TRIM66: variants seen among roughly 807,000 people sequenced by gnomAD.
TRIM66 encodes the protein tripartite motif-containing protein 66.
In TRIM66, 99 loss-of-function variants were observed where a neutral mutation model predicts 148.2. The observed-to-expected ratio is 0.67, with a 90% CI of 0.57 to 0.79. TRIM66 has a LOEUF of 0.79. Among genes scored for constraint, TRIM66 ranks in the 30% least tolerant of loss-of-function variants. The pLI, the probability that TRIM66 is intolerant of heterozygous loss-of-function variation, is 0.00. For synonymous variants in TRIM66, 616 were observed against 635.9 expected (o/e 0.97, Z 0.47); for missense variants, 1,666 against 1,697.9 (o/e 0.98, Z 0.33).
intron 20 of TRIM66, 58 bp from the exon 21 acceptor site, chr11:8,620,630 C>T: frequency 6.5e-7 from 1 of 1,534,432 alleles, no homozygotes; most frequent in Non-Finnish European, 8.8e-7. Context: ...GCACCCTTCC[C>T]TCTCCCTCTG....
At position 8,624,497 on chromosome 11, in the gene TRIM66, C is replaced by A. The variant is rs2034618360; in HGVS notation, c.2881G>T (p.Val961Phe). ...FTDLLGQGPI[V>F]PGLDAPKDLA... ...TCCTTGGGAGCATCCAGACCGGGGA[C>A]TATGGGACCTTGTCCCAGTAAGTCA... The change falls in exon 17 of 25, where the codon GTC (valine) becomes TTC (phenylalanine). Residue 961 changes from valine to phenylalanine, a missense_variant. This residue lies in a region of TRIM66 where 1,431 missense variants were observed against 1,412.4 expected (regional missense o/e 1.01). Transcript: ENST00000646038. 6.5e-7 allele frequency: 1 copy of A among 1,549,642 alleles called. No individual in the cohort carries two copies. The highest frequency in any genetic ancestry group is 1.7e-4 in the Middle Eastern group (1 of 5,980).
upstream of TRIM66, chr11:8,682,812 A>G (rs1057069109): frequency 9.3e-6 from 15 of 1,612,888 alleles, no homozygotes; most frequent in African/African-American, 4.0e-5. Context: ...TGGGCTGCCA[A>G]CATGGTAGGT....
chr11:8,671,814 A>T lies in TRIM66; in HGVS notation c.312T>A (p.Ile104=), dbSNP rs1201536737. Reference sequence around the variant, plus strand: ...CTGCAACAGTCTCATGAGCCTTGGCAATCTGCCCTAGCTCCTGTATCAAGC... The same window carrying T: ...CTGCAACAGTCTCATGAGCCTTGGCTATCTGCCCTAGCTCCTGTATCAAGC... ...FQGLIQELGQ[I]AKAHETVADE... Residue 104 remains isoleucine, a synonymous_variant, in exon 6 of 25, where the codon ATT becomes ATA. Coordinates refer to ENST00000646038, the MANE Select transcript of TRIM66 (RefSeq NM_001388022.1). The T allele has an allele frequency of 1.3e-6, 2 of 1,498,920 alleles. No homozygotes were observed. Among genetic ancestry groups the T allele is most frequent in the Non-Finnish European group, 1.8e-6 (2 of 1,113,010 alleles). The allele number at this position is 1,498,920 out of a possible 1,614,324, so 92.9% of individuals were successfully genotyped here. A position where few individuals can be genotyped will look rare whatever the true frequency, so the allele number is the denominator to read the frequency against.
At chr11:8,624,682 G>T (rs1331321547) in intron 16 of TRIM66, 31 bp downstream of exon 16, 8 of 1,480,698 alleles carry the variant, frequency 5.4e-6, no homozygotes, top group East Asian at 2.5e-5. Flanking sequence ...ATGAACAAAG[G>T]AAGTTTGGAT....
At chr11:8,630,324 C>T (rs1416068074) in intron 15 of TRIM66, among the ~76,000 whole-genome samples, 1 of 152,110 alleles carries the variant, frequency 6.6e-6, no homozygotes, top group East Asian at 1.9e-4. Context: ...ACCCTCTAGA[C>T]CCCAGGATTG....
chr11:8,629,465 C>A (rs2035185901), intron 15 of TRIM66, among the ~76,000 whole-genome samples: 1 of 152,156 alleles, frequency 6.6e-6, no homozygotes, highest in African/African-American at 2.4e-5. Context: ...GTGAGACCAC[C>A]CAAATAATAA....
chr11:8,681,528 T>C (rs2039425030), intron 1 of TRIM66, among the ~76,000 whole-genome samples: 1 of 151,964 alleles, frequency 6.6e-6, no homozygotes. Flanking sequence ...ACACAGAGAA[T>C]AACTGAGGGG....
At chr11:8,630,498 T>C (rs560898700) in intron 15 of TRIM66, among the ~76,000 whole-genome samples, 2 of 152,258 alleles carry the variant, frequency 1.3e-5, no homozygotes, top group African/African-American at 4.8e-5. Flanking sequence ...TATTTTGAGA[T>C]TCACTACTGA....
intron 15 of TRIM66, 54 bp downstream of exon 15, chr11:8,638,600 G>T: frequency 6.5e-7 from 1 of 1,527,388 alleles, no homozygotes; most frequent in Non-Finnish European, 8.8e-7. Context: ...AGTGCCTGGG[G>T]TCTTGGCTGG....
rs2036788718 is a variant in TRIM66 at position 8,645,738 on chromosome 11, T to C, written c.1104+3A>G. 9 of 1,551,618 alleles carry C rather than the reference T, an allele frequency of 5.8e-6. No individual in the cohort carries two copies. The highest frequency in any genetic ancestry group is 7.0e-6 in the Non-Finnish European group (8 of 1,146,878). ...GGCTGAGGAGTTGGGAGATTCCTCT[T>C]ACCAGCTCTTTGCTGAAAAGAAAAG... On this transcript the variant is annotated splice_donor_region_variant and intron_variant, in intron 12 of 24. Transcript: ENST00000646038.
intron 7 of TRIM66, 46 bp downstream of exon 7, chr11:8,651,753 CA>C (rs1456499060): frequency 1.4e-6 from 2 of 1,467,980 alleles, no homozygotes; most frequent in African/African-American, 2.8e-5. Flanking sequence ...AGGGGCCTCA[CA>C]GATTTCTGAA....
intron 18 of TRIM66, 61 bp downstream of exon 18, chr11:8,622,755 G>A: frequency 6.9e-7 from 1 of 1,455,730 alleles, no homozygotes; most frequent in Non-Finnish European, 9.4e-7. Flanking sequence ...CTTCATCCCT[G>A]TGCCAGCATC....
chr11:8,645,685 G>C (rs1352445834), intron 12 of TRIM66, 56 bp downstream of exon 12: 8 of 1,544,678 alleles, frequency 5.2e-6, no homozygotes, highest in South Asian at 4.8e-5. Flanking sequence ...CTCTGACAAA[G>C]GGGATGCTCT....
At chr11:8,672,407 A>G in intron 4 of TRIM66, 22 bp from the exon 5 acceptor site, 1 of 1,488,184 alleles carries the variant, frequency 6.7e-7, no homozygotes, top group Non-Finnish European at 8.9e-7. Context: ...TTTTGGAAAA[A>G]GGAAGAAAAT....
Position 8,624,813 on chromosome 11 carries a change from A to G in TRIM66, c.2726T>C (p.Met909Thr), listed in dbSNP as rs2034653130. 1.9e-6 allele frequency: 3 copies of G among 1,551,592 alleles called. No homozygotes were observed. The highest frequency in any genetic ancestry group is 2.0e-5 in the Admixed American group (1 of 50,984). The part of the protein sequence containing the change: ...PLQSIPPVSD[M>T]QPETGSSSSS... ...GGAGCTGGACCCAGTTTCTGGCTGC[A>G]TGTCAGAAACTGGAGGGATGCTCTG... Residue 909 changes from methionine (M) to threonine (T), a missense_variant, in exon 16 of 25, where the codon ATG becomes ACG. Met to Thr is a moderately conservative substitution (Grantham distance 81). Around this residue, in one of 3 missense-constraint regions of TRIM66, gnomAD observed 1,431 missense variants for 1,412.4 expected, o/e 1.01. Transcript: ENST00000646038.
At chr11:8,670,791 C>T (rs2038889305) in intron 6 of TRIM66, among the ~76,000 whole-genome samples, 2 of 152,098 alleles carry the variant, frequency 1.3e-5, no homozygotes, top group African/African-American at 2.4e-5. Flanking sequence ...CAAAATAGAT[C>T]GTATCTTTCC....
rs2038941657 is a variant in TRIM66 at position 8,671,684 on chromosome 11, A to G, written c.340+102T>C. Reference sequence around the variant, plus strand: ...TTTCAGCAATGAGTGTCCCTTGGGCATTTAAATTCTGATTCTTTCTACACC... The same window carrying G: ...TTTCAGCAATGAGTGTCCCTTGGGCGTTTAAATTCTGATTCTTTCTACACC... On this transcript the variant is annotated intron_variant, in intron 6 of 24. Coordinates refer to ENST00000646038, the MANE Select transcript of TRIM66 (RefSeq NM_001388022.1). 7.8e-6 allele frequency: 5 copies of G among 644,414 alleles called. 1 individual carries two copies. Among genetic ancestry groups the G allele is most frequent in the African/African-American group, 1.8e-5 (1 of 55,380 alleles). The allele number at this position is 644,414 out of a possible 1,614,324, so 39.9% of individuals were successfully genotyped here.
intron 12 of TRIM66, among the ~76,000 whole-genome samples, 196 bp from the exon 13 acceptor site, chr11:8,643,322 C>T (rs10769937): frequency 0.87 from 131,121 of 150,896 alleles, 57,145 homozygotes; most frequent in South Asian, 0.91. Context: ...TATCAAGGCT[C>T]CTGGAACCTA....
At chr11:8,649,302 G>A (rs758190986) in intron 8 of TRIM66, among the ~76,000 whole-genome samples, 4 of 151,898 alleles carry the variant, frequency 2.6e-5, no homozygotes, top group Non-Finnish European at 4.4e-5. Context: ...TCATGCCACC[G>A]CACCCCAGCC....
Sources: gnomAD v4.1 joint callset for allele counts (sites outside exome capture counted in the v4.1 genomes callset) on GRCh38, gnomAD v4.1.1 for gene constraint, gnomAD v4.1.1 regional missense constraint, MANE v1.5 for transcripts, NCBI Gene and HGNC (gene_info 2026-07-23, HGNC 2026-07-21) for gene names.